Variants in PPEF2 observed in about 807,000 individuals in gnomAD.
PPEF2 encodes serine/threonine-protein phosphatase with EF-hands 2.
PPEF2 carries 84 observed loss-of-function variants against 84.7 expected under a neutral mutation model. The observed-to-expected ratio is 0.99, with a 90% CI of 0.83 to 1.19. The LOEUF (loss-of-function observed/expected upper bound fraction) is 1.19. Ranked by LOEUF, PPEF2 falls within the 50% of genes most tolerant of loss-of-function variation. The probability of loss-of-function intolerance (pLI) is 0.00; values close to 1 mark genes in which losing one functional copy is unlikely to be tolerated. For missense variants in PPEF2, 924 were observed against 937.5 expected, an observed-to-expected ratio of 0.99 and a Z score of 0.19; for synonymous variants, 346 against 345.2, an observed-to-expected ratio of 1.00 and a Z score of -0.03.
chr4:75,868,145 T>A (rs1724177653), intron 13 of PPEF2, among the ~76,000 whole-genome samples: 4 of 44,766 alleles, frequency 8.9e-5, no homozygotes, highest in Admixed American at 6.3e-4. Flanking sequence ...CCCCCCTCTC[T>A]ACTCAAAGTA....
At chr4:75,889,821 G>T in intron 5 of PPEF2, 136 bp downstream of exon 5, 1 of 959,254 alleles carries the variant, frequency 1.0e-6, no homozygotes, top group Non-Finnish European at 1.6e-6. Context: ...GCTAAGCACA[G>T]CAGGGGTAGA....
chr4:75,880,075 G>T (rs142917917), intron 10 of PPEF2, among the ~76,000 whole-genome samples: 30 of 152,040 alleles, frequency 2.0e-4, no homozygotes, highest in African/African-American at 7.2e-4. Flanking sequence ...TGATCCGCCC[G>T]CCTCGGCCTC....
intron 1 of PPEF2, among the ~76,000 whole-genome samples, chr4:75,900,129 G>A (rs1256038167): frequency 6.6e-6 from 1 of 152,124 alleles, no homozygotes; most frequent in East Asian, 1.9e-4. Context: ...ATATGTTCTT[G>A]GAGGCAGTAA....
chr4:75,873,265 C>T lies in PPEF2; in HGVS notation c.1368G>A (p.Lys456=), dbSNP rs1724328830. 3 of 1,614,132 alleles carry T rather than the reference C, an allele frequency of 1.9e-6. No individual in the cohort carries two copies. Among genetic ancestry groups the T allele is most frequent in the Non-Finnish European group, 2.5e-6 (3 of 1,180,014 alleles). ...WSDPMAQEGC[K]ANTIRGGGCY... ...AGCCTCCTCCTCGAATAGTGTTGGC[C>T]TTGCAGCCCTCTTGAGCCATGGGAT... Residue 456 remains lysine, a synonymous_variant, in exon 12 of 17, where the codon AAG becomes AAA. Transcript: ENST00000286719.
chr4:75,890,849 T>C (rs1392692758), intron 4 of PPEF2, among the ~76,000 whole-genome samples: 1 of 152,230 alleles, frequency 6.6e-6, no homozygotes, highest in Non-Finnish European at 1.5e-5. Flanking sequence ...TGAGGACTTA[T>C]TTCCTGGATC....
chr4:75,879,111 G>C (rs1289848295), intron 10 of PPEF2, among the ~76,000 whole-genome samples: 1 of 152,128 alleles, frequency 6.6e-6, no homozygotes, highest in Non-Finnish European at 1.5e-5. Flanking sequence ...GTAGACTGAT[G>C]TCCCACACCT....
At chr4:75,864,378 T>TAAAAAA in intron 16 of PPEF2, 62 bp downstream of exon 16, 2 of 1,256,064 alleles carry the variant, frequency 1.6e-6, no homozygotes, top group Admixed American at 1.7e-5. Context: ...GGAAGGAGAT[T>TAAAAAA]AAGGGTTTAA....
chr4:75,900,719 ATCTCTTAAAGTTCT>A (rs1725101200), intron 1 of PPEF2, among the ~76,000 whole-genome samples: 1 of 152,230 alleles, frequency 6.6e-6, no homozygotes, highest in South Asian at 2.1e-4. Flanking sequence ...ATCCTCAAAA[ATCTCTTAAAGTTCT>A]TCTCCTCCTC....
At position 75,891,943 on chromosome 4, in the gene PPEF2, G is replaced by A. The variant is rs143410196; in HGVS notation, c.91C>T (p.Arg31Trp). ...ATCTCCAGGCGGGCCACGTAGCGCC[G>A]GTACCATCTCTGGATCAGGGCTGCT... ...KAAALIQRWY[R>W]RYVARLEMRR... Residue 31 changes from arginine to tryptophan, a missense_variant, in exon 3 of 17, where the codon CGG becomes TGG. Arg to Trp is a moderately radical substitution (Grantham distance 101). Transcript: ENST00000286719. 36 of 1,613,936 alleles carry A rather than the reference G, an allele frequency of 2.2e-5. No individual in the cohort carries two copies. Among genetic ancestry groups the A allele is most frequent in the South Asian group, 9.9e-5 (9 of 91,082 alleles).
chr4:75,895,132 T>TAA, intron 2 of PPEF2, among the ~76,000 whole-genome samples: 1 of 150,854 alleles, frequency 6.6e-6, no homozygotes, highest in East Asian at 2.0e-4. Flanking sequence ...AATTAATTTT[T>TAA]TTTTTTTTTT....
At chr4:75,878,189 C>G (rs1463099287) in intron 10 of PPEF2, among the ~76,000 whole-genome samples, 2 of 152,180 alleles carry the variant, frequency 1.3e-5, no homozygotes, top group South Asian at 2.1e-4. Context: ...GAAAGACACT[C>G]CTTGCCACAG....
At chr4:75,874,610 C>T (rs1724363719) in intron 11 of PPEF2, among the ~76,000 whole-genome samples, 1 of 151,926 alleles carries the variant, frequency 6.6e-6, no homozygotes, top group Non-Finnish European at 1.5e-5. Context: ...ACATTTAATG[C>T]TTTCTAAAAG....
At chr4:75,900,765 A>G (rs1246239224) in intron 1 of PPEF2, among the ~76,000 whole-genome samples, 1 of 152,208 alleles carries the variant, frequency 6.6e-6, no homozygotes, top group Non-Finnish European at 1.5e-5. Context: ...ACCTTAAATA[A>G]TTATCAGTAA....
chr4:75,861,011 C>T (rs1723987461), intron 16 of PPEF2, 91 bp from the exon 17 acceptor site: 2 of 1,421,076 alleles, frequency 1.4e-6, no homozygotes, highest in Non-Finnish European at 1.9e-6. Flanking sequence ...CTGCTCCCTA[C>T]TGCTCAACAG....
intron 13 of PPEF2, among the ~76,000 whole-genome samples, chr4:75,869,031 T>C (rs1357555300): frequency 2.6e-5 from 4 of 152,140 alleles, no homozygotes; most frequent in Non-Finnish European, 5.9e-5. Flanking sequence ...GAAAAGAAAG[T>C]GTGAACCACC....
intron 10 of PPEF2, chr4:75,882,662 TAA>T: frequency 3.3e-6 from 1 of 307,296 alleles, no homozygotes; most frequent in South Asian, 8.1e-5. Context: ...CACTCCCAGC[TAA>T]GTTTTTAATT....
chr4:75,860,701 T>G lies in PPEF2; in HGVS notation c.2228A>C (p.Lys743Thr). The change falls in exon 17 of 17, where the codon AAA becomes ACA. Residue 743 changes from lysine (K) to threonine (T), a missense_variant. Lys to Thr is a moderately conservative substitution (Grantham distance 78, BLOSUM62 -1). Transcript: ENST00000286719. ...ASECPQATNA[K>T]DSGCSSPGAH ...ACCTGGACTGCTGCAGCCACTGTCT[T>G]TAGCATTTGTAGCTTGTGGGCATTC... The G allele has an allele frequency of 6.2e-7, 1 of 1,614,246 alleles. No homozygotes were observed. Among genetic ancestry groups the G allele is most frequent in the East Asian group, 2.2e-5 (1 of 44,888 alleles).
chr4:75,877,259 C>A (rs1003333854), intron 10 of PPEF2, among the ~76,000 whole-genome samples: 4 of 151,838 alleles, frequency 2.6e-5, no homozygotes, highest in African/African-American at 4.8e-5. Flanking sequence ...ATTGCTTGAA[C>A]CCGGGAGGCG....
At chr4:75,878,089 T>C (rs1724474519) in intron 10 of PPEF2, among the ~76,000 whole-genome samples, 1 of 152,210 alleles carries the variant, frequency 6.6e-6, no homozygotes, top group Non-Finnish European at 1.5e-5. Context: ...AATGGTACTT[T>C]AGAGGAAGTG....
Sources: gnomAD v4.1 joint callset for allele counts (sites outside exome capture counted in the v4.1 genomes callset) on GRCh38, gnomAD v4.1.1 for gene constraint, MANE v1.5 for transcripts, NCBI Gene and HGNC (gene_info 2026-07-23, HGNC 2026-07-21) for gene names.